The following PARD3B variants were observed in gnomAD, a reference collection of about 807,000 sequenced individuals.
The protein encoded by PARD3B is par-3 family cell polarity regulator beta.
A neutral mutation model predicts 130.2 loss-of-function variants in PARD3B; 103 were observed. The observed-to-expected ratio is 0.79, with a 90% confidence interval of 0.67 to 0.93. PARD3B has a LOEUF of 0.93. PARD3B is among the 40% of genes least tolerant of loss of function. The pLI is 0.00. For missense variants in PARD3B, 1,609 were observed against 1,499.2 expected (o/e 1.07, Z -1.21); for synonymous variants, 583 against 553.2 (o/e 1.05, Z -0.76).
chr2:204,763,114 T>A (rs2040980993), intron 2 of PARD3B, among the ~76,000 whole-genome samples: 1 of 152,168 alleles, frequency 6.6e-6, no homozygotes, highest in Admixed American at 6.5e-5. Context: ...CTCTGCCTCA[T>A]ATTGTATAAC....
At chr2:205,436,160 T>A (rs1308575823) in intron 19 of PARD3B, among the ~76,000 whole-genome samples, 1 of 152,212 alleles carries the variant, frequency 6.6e-6, no homozygotes, top group Non-Finnish European at 1.5e-5. Flanking sequence ...AAGATGTTAA[T>A]CTTTTCACGA....
At position 205,440,551 on chromosome 2, in the gene PARD3B, C is replaced by T. The variant is rs2047677112; in HGVS notation, c.2923C>T (p.Pro975Ser). The T allele has an allele frequency of 1.9e-6, 3 of 1,614,086 alleles. No individual in the cohort carries two copies. Among genetic ancestry groups the T allele is most frequent in the East Asian group, 2.2e-5 (1 of 44,852 alleles). ...SANVFRSPSP[P>S]RAGPFGYPRD... ...AAATGTCTTTAGATCTCCATCTCCC[C>T]CTCGAGCTGGACCATTTGGTTACCC... The change falls in exon 20 of 23, where the codon CCT (proline) becomes TCT (serine). Residue 975 changes from proline (P) to serine (S), a missense_variant. By Grantham distance (74) the Pro-to-Ser change is moderately conservative. Transcript: ENST00000406610. This position sits in a 1 kb window ranked among gnomAD's most constrained non-coding sequence, Gnocchi z 4.2.
At chr2:204,556,533 A>C (rs948725353) in intron 1 of PARD3B, among the ~76,000 whole-genome samples, 1 of 152,116 alleles carries the variant, frequency 6.6e-6, no homozygotes, top group Non-Finnish European at 1.5e-5. Flanking sequence ...ATGATGAAGA[A>C]TTTTCCACGA....
chr2:204,817,618 C>T lies in PARD3B; in HGVS notation c.222+131336C>T, dbSNP rs1381915348. Among the ~76,000 whole-genome samples the T allele has an allele frequency of 2.0e-5, 3 of 152,228 alleles. No homozygotes were observed. The South Asian group carries it at 6.2e-4, about 32-fold the overall frequency. On this transcript the variant is annotated intron_variant, in intron 2 of 22. Coordinates refer to ENST00000406610, the MANE Select transcript of PARD3B (RefSeq NM_001302769.2). ...GTATGTGTTGAATAATACTCAGCTGCAGGGGACCCTCTGCAGATCTCTGGA... is the reference window on the plus strand; with the variant it reads ...GTATGTGTTGAATAATACTCAGCTGTAGGGGACCCTCTGCAGATCTCTGGA...
At chr2:205,213,699 G>T (rs561951225) in intron 15 of PARD3B, among the ~76,000 whole-genome samples, 1 of 152,270 alleles carries the variant, frequency 6.6e-6, no homozygotes, top group South Asian at 2.1e-4. Context: ...CCAGAACATA[G>T]CACCATACGC....
intron 2 of PARD3B, among the ~76,000 whole-genome samples, chr2:204,806,501 A>G (rs1414505713): frequency 6.6e-6 from 1 of 152,186 alleles, no homozygotes; most frequent in African/African-American, 2.4e-5. Flanking sequence ...AATGGATTAA[A>G]GACTTAAATG....
intron 22 of PARD3B, among the ~76,000 whole-genome samples, chr2:205,576,532 C>G (rs2053766074): frequency 6.6e-6 from 1 of 152,170 alleles, no homozygotes; most frequent in Admixed American, 6.6e-5. Flanking sequence ...GTTGTTCCAG[C>G]ATCCTTTGTT....
chr2:205,139,596 A>G (rs2032776819), intron 10 of PARD3B, among the ~76,000 whole-genome samples: 1 of 152,236 alleles, frequency 6.6e-6, no homozygotes, highest in Non-Finnish European at 1.5e-5. Flanking sequence ...ATGCAAGGAA[A>G]TTAAACAAAG....
chr2:205,398,198 G>A (rs948500037), intron 18 of PARD3B, among the ~76,000 whole-genome samples: 1 of 152,114 alleles, frequency 6.6e-6, no homozygotes. Context: ...CTACTTGGGA[G>A]GCTAAGGCAG....
At chr2:205,490,284 C>T (rs914098679) in intron 20 of PARD3B, among the ~76,000 whole-genome samples, 1 of 151,638 alleles carries the variant, frequency 6.6e-6, no homozygotes, top group Non-Finnish European at 1.5e-5. Context: ...CCACAACAGG[C>T]CCCAGTGTGT....
chr2:205,130,833 G>A (rs1451133874), intron 10 of PARD3B, among the ~76,000 whole-genome samples: 2 of 152,160 alleles, frequency 1.3e-5, no homozygotes, highest in Non-Finnish European at 2.9e-5. Context: ...AGCCATGTTT[G>A]TCATGCTGCT....
chr2:204,860,877 G>T (rs933861611), intron 2 of PARD3B, among the ~76,000 whole-genome samples: 2 of 152,140 alleles, frequency 1.3e-5, no homozygotes, highest in Non-Finnish European at 2.9e-5. Flanking sequence ...CTTCATATGT[G>T]CAGATTAGCA....
At chr2:205,189,970 CATT>C (rs2036305931) in intron 14 of PARD3B, among the ~76,000 whole-genome samples, 1 of 152,150 alleles carries the variant, frequency 6.6e-6, no homozygotes, top group Non-Finnish European at 1.5e-5. Context: ...GTAGATATCT[CATT>C]ATGATCAATT....
intron 20 of PARD3B, among the ~76,000 whole-genome samples, chr2:205,489,716 T>C (rs1457434997): frequency 6.6e-6 from 1 of 151,964 alleles, no homozygotes; most frequent in African/African-American, 2.4e-5. Flanking sequence ...TGTACAGTAT[T>C]AGAATAAGGC....
At chr2:205,372,208 T>C (rs189152870) in intron 18 of PARD3B, among the ~76,000 whole-genome samples, 1 of 152,334 alleles carries the variant, frequency 6.6e-6, no homozygotes, top group African/African-American at 2.4e-5. Flanking sequence ...GGTGACTCTA[T>C]GTTTAACTTT....
chr2:204,866,240 G>C (rs2045408740), intron 2 of PARD3B, among the ~76,000 whole-genome samples: 1 of 152,180 alleles, frequency 6.6e-6, no homozygotes, highest in Non-Finnish European at 1.5e-5. Context: ...GGTCCAGGGA[G>C]CTCAAAATCC....
chr2:204,781,457 A>C (rs1334862354), intron 2 of PARD3B, among the ~76,000 whole-genome samples: 1 of 152,128 alleles, frequency 6.6e-6, no homozygotes, highest in Non-Finnish European at 1.5e-5. Flanking sequence ...TTAATTCATA[A>C]AGCTAGTCTG....
At chr2:205,200,265 C>G (rs928217267) in intron 15 of PARD3B, among the ~76,000 whole-genome samples, 5 of 152,150 alleles carry the variant, frequency 3.3e-5, no homozygotes, top group Non-Finnish European at 7.4e-5. Flanking sequence ...AAAACGACAT[C>G]TTTATTGTGT....
At chr2:204,790,690 T>A (rs533415743) in intron 2 of PARD3B, among the ~76,000 whole-genome samples, 4 of 152,346 alleles carry the variant, frequency 2.6e-5, no homozygotes, top group Non-Finnish European at 4.4e-5. Context: ...AATGAGTTTT[T>A]CCTAAAATCC....
Sources: allele counts gnomAD v4.1 joint callset (sites outside exome capture counted in the v4.1 genomes callset), GRCh38; gene constraint gnomAD v4.1.1; non-coding constraint Gnocchi (gnomAD v3.1); transcripts MANE v1.5; gene names NCBI Gene and HGNC (gene_info 2026-07-23, HGNC 2026-07-21).